Variants in SLC15A1 observed in about 807,000 individuals in gnomAD.
SLC15A1 encodes the protein solute carrier family 15 member 1.
In SLC15A1, 83 loss-of-function variants were observed where a neutral mutation model predicts 92.9. That is an observed-to-expected ratio of 0.89 (90% CI 0.75 to 1.07). The LOEUF is 1.07. SLC15A1 is among the 50% of genes least tolerant of loss of function. The pLI is 0.00. For missense variants in SLC15A1, 857 were observed against 880.1 expected (o/e 0.97, Z 0.33); for synonymous variants, 322 against 318.2 (o/e 1.01, Z -0.13).
chr13:98,743,980 G>A (rs1371524030), intron 1 of SLC15A1, among the ~76,000 whole-genome samples: 14 of 152,000 alleles, frequency 9.2e-5, no homozygotes, highest in Admixed American at 9.2e-4. Context: ...TAATAATATT[G>A]TATATTGTCA....
intron 9 of SLC15A1, among the ~76,000 whole-genome samples, chr13:98,715,529 C>G (rs2088205881): frequency 6.6e-6 from 1 of 152,170 alleles, no homozygotes; most frequent in East Asian, 1.9e-4. Flanking sequence ...CAACTGAACA[C>G]CTGAGACTCT....
intron 18 of SLC15A1, among the ~76,000 whole-genome samples, chr13:98,697,615 C>CTTTTTTTTT (rs11347963): frequency 8.0e-6 from 1 of 125,056 alleles, no homozygotes; most frequent in Non-Finnish European, 1.6e-5. Context: ...CTGGCTGATG[C>CTTTTTTTTT]TTTTTTTTTT....
Position 98,738,588 on chromosome 13 carries a change from A to G in SLC15A1, c.5-11729T>C, listed in dbSNP as rs112013569. Among the ~76,000 whole-genome samples the G allele has an allele frequency of 6.1e-3, 923 of 152,400 alleles. 11 individuals carry two copies. The highest frequency in any genetic ancestry group is 0.021 in the African/African-American group (885 of 41,600). On this transcript the variant is annotated intron_variant, in intron 1 of 22. Coordinates refer to ENST00000376503, the MANE Select transcript of SLC15A1 (RefSeq NM_005073.4). Reference sequence around the variant, plus strand: ...GCTGCTTCAGAGGGTGCAAGCCATAAGACTTGGTGGTTTCCACATGGTGTT... The same window carrying G: ...GCTGCTTCAGAGGGTGCAAGCCATAGGACTTGGTGGTTTCCACATGGTGTT...
intron 18 of SLC15A1, among the ~76,000 whole-genome samples, chr13:98,693,318 G>A (rs1375553522): frequency 6.6e-6 from 1 of 151,932 alleles, no homozygotes; most frequent in African/African-American, 2.4e-5. Flanking sequence ...GGCTGGTCTC[G>A]AATTCCTGGC....
chr13:98,729,458 T>C (rs1281931979), intron 1 of SLC15A1, among the ~76,000 whole-genome samples: 1 of 152,196 alleles, frequency 6.6e-6, no homozygotes, highest in Non-Finnish European at 1.5e-5. Flanking sequence ...GATGCTGGTC[T>C]GGGGACTACA....
intron 15 of SLC15A1, among the ~76,000 whole-genome samples, chr13:98,707,734 A>C (rs1466806280): frequency 6.6e-6 from 1 of 151,940 alleles, no homozygotes; most frequent in African/African-American, 2.4e-5. Context: ...TTTACAAAAA[A>C]ATTTTAATAA....
intron 10 of SLC15A1, among the ~76,000 whole-genome samples, 166 bp from the exon 11 acceptor site, chr13:98,712,109 C>T (rs1289643739): frequency 2.0e-5 from 3 of 152,002 alleles, no homozygotes; most frequent in Admixed American, 1.3e-4. Flanking sequence ...TTTAGAAAAT[C>T]GAAAATGTCT....
rs2088027330 is a variant in SLC15A1, at chr13:98,697,048, A to G, written c.1466+5432T>C. On this transcript the variant is annotated intron_variant, in intron 18 of 22. Transcript: ENST00000376503. ...CAGCCTCTGGAGCTGTGAGAAAATT[A>G]ATTTCTTTTCTTTTTTTTTCTTTTT... Among the ~76,000 whole-genome samples, 8 of 151,772 alleles carry G rather than the reference A, an allele frequency of 5.3e-5. No individual in the cohort carries two copies. The South Asian group carries it at 1.7e-3, about 32-fold the overall frequency.
At chr13:98,690,873 G>A (rs79934069) in intron 18 of SLC15A1, among the ~76,000 whole-genome samples, 2 of 152,196 alleles carry the variant, frequency 1.3e-5, no homozygotes, top group Non-Finnish European at 2.9e-5. Context: ...ACTCCCATTC[G>A]TTCCTCCCTG....
intron 1 of SLC15A1, among the ~76,000 whole-genome samples, chr13:98,751,135 T>C (rs550443171): frequency 6.6e-6 from 1 of 152,318 alleles, no homozygotes; most frequent in South Asian, 2.1e-4. Context: ...ATTTACTAAC[T>C]AACCCTTGAT....
At chr13:98,724,356 TAGTC>T (rs1424931686) in intron 4 of SLC15A1, among the ~76,000 whole-genome samples, 1 of 151,980 alleles carries the variant, frequency 6.6e-6, no homozygotes, top group Non-Finnish European at 1.5e-5. Context: ...AATAAAAAAT[TAGTC>T]AGGTGTGGTG....
At chr13:98,710,228 A>G (rs2088150392) in intron 11 of SLC15A1, among the ~76,000 whole-genome samples, 2 of 152,210 alleles carry the variant, frequency 1.3e-5, no homozygotes, top group Non-Finnish European at 2.9e-5. Context: ...AAAGCATGGC[A>G]TCGTCTGCAA....
intron 18 of SLC15A1, among the ~76,000 whole-genome samples, chr13:98,701,080 G>A (rs1272059477): frequency 1.3e-5 from 2 of 152,058 alleles, no homozygotes; most frequent in African/African-American, 4.8e-5. Flanking sequence ...ATAATGCTAC[G>A]ATTTTGATAG....
intron 18 of SLC15A1, among the ~76,000 whole-genome samples, chr13:98,701,020 G>A (rs2088062792): frequency 6.6e-6 from 1 of 152,024 alleles, no homozygotes; most frequent in African/African-American, 2.4e-5. Context: ...TAGTTCCTTT[G>A]CCTTTCCATA....
chr13:98,743,398 C>A (rs1594011622), intron 1 of SLC15A1, among the ~76,000 whole-genome samples: 1 of 152,206 alleles, frequency 6.6e-6, no homozygotes, highest in African/African-American at 2.4e-5. Flanking sequence ...CAACTTTCAG[C>A]ATCTTGTTCC....
intron 18 of SLC15A1, among the ~76,000 whole-genome samples, chr13:98,692,136 CTTTTTTTTTTTTTTTTTTTTTTT>C (rs528865683): frequency 1.5e-5 from 1 of 67,616 alleles, no homozygotes; most frequent in Admixed American, 2.3e-4. Flanking sequence ...TTCTCCTAAA[CTTTTTTTTTTTTTTTTTTTTTTT>C]TTTTTTTTTT....
intron 9 of SLC15A1, among the ~76,000 whole-genome samples, chr13:98,713,587 C>CA (rs1295155234): frequency 6.6e-6 from 1 of 152,020 alleles, no homozygotes; most frequent in Non-Finnish European, 1.5e-5. Context: ...GATATAATAA[C>CA]ACAGGTCAGA....
intron 1 of SLC15A1, among the ~76,000 whole-genome samples, chr13:98,732,326 C>A (rs2088357625): frequency 6.6e-6 from 1 of 152,150 alleles, no homozygotes; most frequent in South Asian, 2.1e-4. Context: ...CCTTAGCACC[C>A]AACACATTGC....
At chr13:98,739,020 T>G (rs1392513606) in intron 1 of SLC15A1, among the ~76,000 whole-genome samples, 1 of 152,230 alleles carries the variant, frequency 6.6e-6, no homozygotes, top group African/African-American at 2.4e-5. Flanking sequence ...GCCCTGGATG[T>G]GGGACATAGA....
Sources: gnomAD v4.1 joint callset for allele counts (sites outside exome capture counted in the v4.1 genomes callset) on GRCh38, gnomAD v4.1.1 for gene constraint, MANE v1.5 for transcripts, NCBI Gene and HGNC (gene_info 2026-07-23, HGNC 2026-07-21) for gene names.